GRM1: variants seen among roughly 807,000 people sequenced by gnomAD.
GRM1 encodes the protein metabotropic glutamate receptor 1.
GRM1 carries 33 observed loss-of-function variants against 90.9 expected under a neutral mutation model. The ratio of observed to expected loss-of-function variants is 0.36; its 90% CI spans 0.28 to 0.49. The LOEUF (loss-of-function observed/expected upper bound fraction) is 0.49. GRM1 is among the 20% of genes least tolerant of loss of function. The probability of loss-of-function intolerance (pLI) is 0.99; values close to 1 mark genes in which losing one functional copy is unlikely to be tolerated. For synonymous variants in GRM1, 700 were observed against 613.2 expected, an observed-to-expected ratio of 1.14 and a Z score of -2.09; for missense variants, 1,190 against 1,534.3, an observed-to-expected ratio of 0.78 and a Z score of 3.75.
chr6:146,213,764 T>C (rs1206888134), intron 2 of GRM1, among the ~76,000 whole-genome samples: 2 of 151,742 alleles, frequency 1.3e-5, no homozygotes, highest in Non-Finnish European at 2.9e-5. Flanking sequence ...ATTGGGGGAA[T>C]TGGGTCACAT....
At chr6:146,044,659 G>A (rs967586953) in intron 1 of GRM1, among the ~76,000 whole-genome samples, 1 of 151,958 alleles carries the variant, frequency 6.6e-6, no homozygotes, top group African/African-American at 2.4e-5. Flanking sequence ...CACCAAATTT[G>A]AAACCATGAA....
intron 3 of GRM1, among the ~76,000 whole-genome samples, chr6:146,308,913 G>A (rs1231481667): frequency 6.6e-6 from 1 of 151,884 alleles, no homozygotes; most frequent in Non-Finnish European, 1.5e-5. Flanking sequence ...TTAACATTTT[G>A]CATTCACATA....
At chr6:146,058,405 A>C (rs1775554395) in intron 1 of GRM1, among the ~76,000 whole-genome samples, 1 of 152,176 alleles carries the variant, frequency 6.6e-6, no homozygotes, top group African/African-American at 2.4e-5. Context: ...TTAAGTGTGA[A>C]ATAGTATTAT....
chr6:146,044,170 T>A (rs1378888169), intron 1 of GRM1, among the ~76,000 whole-genome samples: 1 of 151,962 alleles, frequency 6.6e-6, no homozygotes, highest in Non-Finnish European at 1.5e-5. Context: ...AAACATTCTG[T>A]CTTTCTTCCA....
At chr6:146,216,962 T>G (rs1779893017) in intron 2 of GRM1, among the ~76,000 whole-genome samples, 1 of 152,152 alleles carries the variant, frequency 6.6e-6, no homozygotes, top group Non-Finnish European at 1.5e-5. Context: ...TTGGTGCAGG[T>G]GAAGTCTAAA....
chr6:146,212,654 T>G (rs1285001746), intron 2 of GRM1, among the ~76,000 whole-genome samples: 1 of 152,182 alleles, frequency 6.6e-6, no homozygotes, highest in Non-Finnish European at 1.5e-5. Flanking sequence ...GTAATAGGAT[T>G]TTTAAAAATG....
At chr6:146,364,918 C>T (rs1285904956) in intron 5 of GRM1, 1 of 152,070 alleles carries the variant, frequency 6.6e-6, no homozygotes, top group Non-Finnish European at 1.5e-5. Flanking sequence ...ACATCTTCAG[C>T]CGTAACTGTC....
intron 2 of GRM1, among the ~76,000 whole-genome samples, chr6:146,287,023 C>T (rs962110874): frequency 2.6e-5 from 4 of 152,130 alleles, no homozygotes; most frequent in African/African-American, 9.7e-5. Context: ...TGTGGACAGG[C>T]AATTCAATCA....
chr6:146,040,295 T>A (rs1362425075), intron 1 of GRM1, among the ~76,000 whole-genome samples: 1 of 152,026 alleles, frequency 6.6e-6, no homozygotes, highest in African/African-American at 2.4e-5. Context: ...TACATGAGAC[T>A]GTGTAATTTA....
At chr6:146,174,082 CT>C (rs1778245972) in intron 2 of GRM1, among the ~76,000 whole-genome samples, 1 of 151,942 alleles carries the variant, frequency 6.6e-6, no homozygotes, top group African/African-American at 2.4e-5. Context: ...TAAATTTTAT[CT>C]CTAAGAGATA....
intron 2 of GRM1, among the ~76,000 whole-genome samples, chr6:146,250,033 T>G (rs1434187382): frequency 4.6e-5 from 7 of 152,212 alleles, no homozygotes; most frequent in African/African-American, 1.7e-4. Context: ...TTGGCCAATT[T>G]CTCTCATTTG....
intron 2 of GRM1, among the ~76,000 whole-genome samples, chr6:146,282,754 A>T (rs1426698260): frequency 2.0e-5 from 3 of 152,224 alleles, no homozygotes; most frequent in African/African-American, 7.2e-5. Context: ...AATGTAATAA[A>T]AAAAGGATGT....
chr6:146,418,569 T>TA (rs1165762345), intron 7 of GRM1, among the ~76,000 whole-genome samples: 5 of 151,814 alleles, frequency 3.3e-5, no homozygotes, highest in African/African-American at 1.2e-4. Flanking sequence ...ACTATTTTTT[T>TA]AATTTAAATT....
intron 1 of GRM1, among the ~76,000 whole-genome samples, chr6:146,069,995 C>T (rs957469121): frequency 2.6e-5 from 4 of 152,108 alleles, no homozygotes; most frequent in African/African-American, 4.8e-5. Context: ...CCTTTATCTC[C>T]CATAATAAAT....
intron 3 of GRM1, among the ~76,000 whole-genome samples, chr6:146,320,041 C>T (rs546336343): frequency 1.3e-5 from 2 of 152,274 alleles, no homozygotes; most frequent in East Asian, 3.9e-4. Flanking sequence ...TTATCTTGTG[C>T]TGGTTTTCAA....
At chr6:146,104,256 C>G (rs1213416050) in intron 1 of GRM1, among the ~76,000 whole-genome samples, 2 of 151,952 alleles carry the variant, frequency 1.3e-5, no homozygotes, top group Non-Finnish European at 2.9e-5. Context: ...CTGGCTAACA[C>G]GGTGAAACCC....
chr6:146,326,103 C>G (rs1188594953), intron 3 of GRM1, among the ~76,000 whole-genome samples: 2 of 152,004 alleles, frequency 1.3e-5, no homozygotes, highest in Non-Finnish European at 2.9e-5. Flanking sequence ...TAATTGAAAA[C>G]AAAAATAGAA....
At chr6:146,169,060 A>G (rs1331738752) in intron 2 of GRM1, among the ~76,000 whole-genome samples, 1 of 152,048 alleles carries the variant, frequency 6.6e-6, no homozygotes, top group Admixed American at 6.6e-5. Context: ...CTGAGATTCC[A>G]TTTATATGTG....
At chr6:146,297,448 C>A (rs1490255051) in intron 2 of GRM1, among the ~76,000 whole-genome samples, 1 of 152,126 alleles carries the variant, frequency 6.6e-6, no homozygotes, top group Non-Finnish European at 1.5e-5. Flanking sequence ...GCATGAGCCA[C>A]CACGCCCAGC....
Sources: gnomAD v4.1 joint callset for allele counts (sites outside exome capture counted in the v4.1 genomes callset) on GRCh38, gnomAD v4.1.1 for gene constraint, MANE v1.5 for transcripts, NCBI Gene and HGNC (gene_info 2026-07-23, HGNC 2026-07-21) for gene names.